The following ARK2N variants were observed in gnomAD, a reference collection of about 807,000 sequenced individuals.
The protein encoded by ARK2N is arkadia (RNF111) N-terminal like PKA signaling regulator 2N.
At chr18:46,237,014 C>T in the ARK2N span, among the ~76,000 whole-genome samples, 1 of 151,998 alleles carries the variant, frequency 6.6e-6, no homozygotes. Flanking sequence ...AGGCACGCAC[C>T]ACCACACCCG....
At chr18:46,186,524 A>G in the ARK2N span, among the ~76,000 whole-genome samples, 4 of 57,288 alleles carry the variant, frequency 7.0e-5, no homozygotes, top group African/African-American at 2.6e-4. Flanking sequence ...TTTTTTTTTG[A>G]GACGGAGTCT....
chr18:46,214,675 T>A, the ARK2N span, among the ~76,000 whole-genome samples: 1 of 152,324 alleles, frequency 6.6e-6, no homozygotes. Flanking sequence ...CTCACAGTGG[T>A]GGTAGAGTGT....
chr18:46,239,596 G>T, the ARK2N span, among the ~76,000 whole-genome samples: 1 of 152,124 alleles, frequency 6.6e-6, no homozygotes, highest in South Asian at 2.1e-4. Flanking sequence ...GTAAGAGAAA[G>T]AACTAGATTC....
chr18:46,233,726 G>T, the ARK2N span, among the ~76,000 whole-genome samples: 1 of 152,032 alleles, frequency 6.6e-6, no homozygotes. Context: ...ACATTTACCA[G>T]TATAAGGACA....
the ARK2N span, among the ~76,000 whole-genome samples, chr18:46,204,705 A>T: frequency 6.6e-6 from 1 of 152,198 alleles, no homozygotes. Flanking sequence ...ACCCTATTTT[A>T]CATGAATGTA....
chr18:46,221,508 C>T, the ARK2N span, among the ~76,000 whole-genome samples: 4 of 147,694 alleles, frequency 2.7e-5, no homozygotes, highest in Non-Finnish European at 5.9e-5. Flanking sequence ...TGCAGTGAGC[C>T]GAGGTCATGC....
the ARK2N span, among the ~76,000 whole-genome samples, chr18:46,186,220 A>G: frequency 1.3e-5 from 2 of 151,142 alleles, no homozygotes; most frequent in South Asian, 4.2e-4. Flanking sequence ...TTTTTGAGAC[A>G]AAGTCTTGCT....
chr18:46,198,799 A>G, the ARK2N span, among the ~76,000 whole-genome samples: 6 of 152,122 alleles, frequency 3.9e-5, no homozygotes, highest in African/African-American at 1.2e-4. Flanking sequence ...GGGTTTCACT[A>G]TGTTGGCCAG....
chr18:46,247,628 C>T, the ARK2N span, among the ~76,000 whole-genome samples: 1 of 152,210 alleles, frequency 6.6e-6, no homozygotes, highest in Non-Finnish European at 1.5e-5. Context: ...TGTGAGTCTG[C>T]CACAAGTGGC....
At chr18:46,221,864 G>A in the ARK2N span, among the ~76,000 whole-genome samples, 1 of 152,160 alleles carries the variant, frequency 6.6e-6, no homozygotes, top group South Asian at 2.1e-4. Context: ...GGATTTCAGT[G>A]GCTAAAAGCC....
the ARK2N span, among the ~76,000 whole-genome samples, chr18:46,177,990 A>G: frequency 3.2e-4 from 48 of 152,224 alleles, no homozygotes; most frequent in African/African-American, 1.1e-3. Context: ...CTCTAGTTGC[A>G]GGAACTATAG....
At chr18:46,252,765 A>G in the ARK2N span, among the ~76,000 whole-genome samples, 14 of 152,342 alleles carry the variant, frequency 9.2e-5, no homozygotes, top group East Asian at 2.7e-3. Flanking sequence ...CTTTTAAATC[A>G]GAACATTCAA....
the ARK2N span, among the ~76,000 whole-genome samples, chr18:46,227,691 A>G: frequency 2.1e-4 from 32 of 152,064 alleles, no homozygotes; most frequent in Non-Finnish European, 4.0e-4. Context: ...TCCGCCTCCC[A>G]GGTTCAAGTG....
At chr18:46,176,869 G>T in the ARK2N span, among the ~76,000 whole-genome samples, 2 of 152,092 alleles carry the variant, frequency 1.3e-5, no homozygotes, top group South Asian at 2.1e-4. Flanking sequence ...TGCCTGCCTC[G>T]GCTCCCAGAG....
the ARK2N span, chr18:46,262,971 A>T: frequency 6.2e-7 from 1 of 1,614,034 alleles, no homozygotes; most frequent in African/African-American, 1.3e-5. Context: ...GTGTTTCTTC[A>T]TGGAAGCATG....
At chr18:46,232,810 A>T in the ARK2N span, 1 of 152,212 alleles carries the variant, frequency 6.6e-6, no homozygotes, top group African/African-American at 2.4e-5. Flanking sequence ...TATTCCTAAT[A>T]TAACTTTAAG....
the ARK2N span, among the ~76,000 whole-genome samples, chr18:46,251,797 G>A: frequency 6.6e-6 from 1 of 152,168 alleles, no homozygotes; most frequent in Admixed American, 6.5e-5. Flanking sequence ...AATTATTAGG[G>A]ATGGGTTTAC....
chr18:46,229,903 C>T, the ARK2N span, among the ~76,000 whole-genome samples: 1 of 151,802 alleles, frequency 6.6e-6, no homozygotes, highest in African/African-American at 2.4e-5. Flanking sequence ...CACGCCTCGC[C>T]TTGTGAAGTA....
At chr18:46,222,520 G>A in the ARK2N span, among the ~76,000 whole-genome samples, 4 of 152,074 alleles carry the variant, frequency 2.6e-5, no homozygotes, top group Non-Finnish European at 2.9e-5. Context: ...GGTATCCTTT[G>A]GCAATTTCTC....
Sources: gnomAD v4.1 joint callset for allele counts (sites outside exome capture counted in the v4.1 genomes callset) on GRCh38, gnomAD v4.1.1 for gene constraint, MANE v1.5 for transcripts, NCBI Gene and HGNC (gene_info 2026-07-23, HGNC 2026-07-21) for gene names.